TENM2: variants seen among roughly 807,000 people sequenced by gnomAD.
The protein encoded by TENM2 is teneurin transmembrane protein 2.
Under a neutral mutation model 245.2 loss-of-function variants are expected in TENM2, and 52 were observed. The observed-to-expected ratio is 0.21, with a 90% CI of 0.17 to 0.27. The LOEUF is 0.27. Ranked by LOEUF, TENM2 falls within the 10% of genes least tolerant of loss-of-function variation. The pLI, the probability that TENM2 is intolerant of heterozygous loss-of-function variation, is 1.00. For missense variants in TENM2, 3,046 were observed against 3,666.8 expected, an observed-to-expected ratio of 0.83 and a Z score of 4.37; for synonymous variants, 1,363 against 1,438.9, an observed-to-expected ratio of 0.95 and a Z score of 1.19.
At chr5:167,700,192 TAGAG>T (rs1279619967) in intron 2 of TENM2, among the ~76,000 whole-genome samples, 1 of 152,146 alleles carries the variant, frequency 6.6e-6, no homozygotes, top group Non-Finnish European at 1.5e-5. Flanking sequence ...GCTCCCTTGA[TAGAG>T]AGATCAGATG....
At chr5:167,593,859 C>A (rs911232532) in intron 2 of TENM2, among the ~76,000 whole-genome samples, 9 of 152,160 alleles carry the variant, frequency 5.9e-5, no homozygotes, top group Admixed American at 5.9e-4. Flanking sequence ...CCTCATAAAG[C>A]AAGAGTGCTT....
chr5:167,777,422 A>G (rs1561770358), intron 2 of TENM2, among the ~76,000 whole-genome samples: 2 of 152,392 alleles, frequency 1.3e-5, no homozygotes, highest in East Asian at 3.9e-4. Context: ...AATAAGTATT[A>G]GAAATAAAAG....
At chr5:168,204,024 AT>A (rs1762150470) in intron 18 of TENM2, among the ~76,000 whole-genome samples, 192 bp downstream of exon 20, 2 of 150,932 alleles carry the variant, frequency 1.3e-5, no homozygotes, top group Non-Finnish European at 1.5e-5. Context: ...AATATTTATT[AT>A]TTTTTTAATA....
chr5:167,929,053 G>T (rs1391441765), intron 3 of TENM2, among the ~76,000 whole-genome samples: 7 of 77,686 alleles, frequency 9.0e-5, no homozygotes, highest in African/African-American at 4.0e-4. Flanking sequence ...AAAAAAGAAA[G>T]AAAGAGAGAA....
At chr5:167,774,501 A>G (rs1453739220) in intron 2 of TENM2, among the ~76,000 whole-genome samples, 1 of 152,130 alleles carries the variant, frequency 6.6e-6, no homozygotes, top group Non-Finnish European at 1.5e-5. Context: ...TTTTCATCTC[A>G]CCATGTATCA....
At chr5:167,807,479 G>A (rs955102879) in intron 2 of TENM2, among the ~76,000 whole-genome samples, 5 of 152,098 alleles carry the variant, frequency 3.3e-5, no homozygotes, top group African/African-American at 1.2e-4. Flanking sequence ...TAAATAAAAT[G>A]AGAAGACACT....
intron 2 of TENM2, among the ~76,000 whole-genome samples, chr5:167,801,684 G>A (rs7708656): frequency 0.11 from 17,101 of 152,100 alleles, 1,404 homozygotes; most frequent in East Asian, 0.4. Flanking sequence ...AGGGGCAGGG[G>A]ATATGCCTCC....
chr5:167,783,435 C>G (rs917111875), intron 2 of TENM2, among the ~76,000 whole-genome samples: 2 of 152,114 alleles, frequency 1.3e-5, no homozygotes, highest in Non-Finnish European at 2.9e-5. Context: ...AACCAGAGTA[C>G]AATATTTCAG....
exon 14 of TENM2, chr5:168,190,509 C>A: frequency 6.2e-7 from 1 of 1,614,018 alleles, no homozygotes. Context: ...GCAAGGATAG[C>A]ACCCACATCA....
chr5:167,804,154 C>T (rs534832638), intron 2 of TENM2, among the ~76,000 whole-genome samples: 2 of 151,984 alleles, frequency 1.3e-5, no homozygotes, highest in East Asian at 3.9e-4. Context: ...ATAAGAGATA[C>T]CTAATCCATA....
intron 2 of TENM2, among the ~76,000 whole-genome samples, chr5:167,612,270 T>C (rs755394886): frequency 6.6e-6 from 1 of 152,074 alleles, no homozygotes; most frequent in South Asian, 2.1e-4. Context: ...ATTACTAACC[T>C]TATAGAAGCA....
chr5:167,093,657 A>G, the TENM2 span, among the ~76,000 whole-genome samples: 4 of 152,188 alleles, frequency 2.6e-5, no homozygotes, highest in African/African-American at 9.7e-5. Context: ...GTCTTGGATG[A>G]GAATAGCCAA....
chr5:167,746,218 G>A (rs1005326334), intron 2 of TENM2, among the ~76,000 whole-genome samples: 2 of 152,224 alleles, frequency 1.3e-5, no homozygotes, highest in African/African-American at 2.4e-5. Context: ...GCATTTCCAC[G>A]AAGCTTGCAC....
the TENM2 span, among the ~76,000 whole-genome samples, chr5:167,027,880 A>T: frequency 6.6e-6 from 1 of 151,964 alleles, no homozygotes; most frequent in African/African-American, 2.4e-5. Context: ...GGAGTTGAAG[A>T]CCAGCCTGGC....
chr5:167,048,086 A>G, the TENM2 span, among the ~76,000 whole-genome samples: 280 of 152,316 alleles, frequency 1.8e-3, 6 homozygotes, highest in East Asian at 0.036. Flanking sequence ...AAATTTTCAA[A>G]AAAAATCTAG....
At chr5:167,264,483 G>A in the TENM2 span, among the ~76,000 whole-genome samples, 1 of 152,162 alleles carries the variant, frequency 6.6e-6, no homozygotes, top group African/African-American at 2.4e-5. Flanking sequence ...AGATAGTTGA[G>A]CAGCGTGTGT....
upstream of TENM2, among the ~76,000 whole-genome samples, chr5:167,283,207 C>T (rs754804085): frequency 2.0e-5 from 3 of 151,656 alleles, no homozygotes; most frequent in African/African-American, 7.3e-5. Context: ...CCAGGCCCAG[C>T]GAATTTTTTT....
the TENM2 span, among the ~76,000 whole-genome samples, chr5:167,237,940 G>A: frequency 4.0e-5 from 6 of 150,602 alleles, no homozygotes; most frequent in Admixed American, 2.7e-4. Context: ...AACCCAGGAG[G>A]TGGAGGTTGC....
chr5:167,986,918 G>A (rs889833234), intron 4 of TENM2, among the ~76,000 whole-genome samples: 11 of 152,138 alleles, frequency 7.2e-5, no homozygotes, highest in Non-Finnish European at 1.3e-4. Context: ...CATTTTATTT[G>A]ATTTTCCAGC....
Sources: allele counts gnomAD v4.1 joint callset (sites outside exome capture counted in the v4.1 genomes callset), GRCh38; gene constraint gnomAD v4.1.1; transcripts MANE v1.5; gene names NCBI Gene and HGNC (gene_info 2026-07-23, HGNC 2026-07-21).